S100Z: variants seen among roughly 807,000 people sequenced by gnomAD.
S100Z encodes the protein protein S100-Z.
S100Z carries 11 observed loss-of-function variants against 8.5 expected under a neutral mutation model. The ratio of observed to expected loss-of-function variants is 1.30; its 90% CI spans 0.82 to 2.15. S100Z has a LOEUF of 2.15. S100Z is among the 30% of genes most tolerant of loss of function. The probability of loss-of-function intolerance (pLI) is 0.00; values close to 1 mark genes in which losing one functional copy is unlikely to be tolerated. For missense variants in S100Z, 126 were observed against 117.9 expected (o/e 1.07, Z -0.32); for synonymous variants, 34 against 43.8 (o/e 0.78, Z 0.89).
At chr5:76,924,604 T>G (rs1195073710), downstream of S100Z, among the ~76,000 whole-genome samples, 1 of 152,090 alleles carries the variant, frequency 6.6e-6, no homozygotes. Flanking sequence ...TAAAACTTAA[T>G]AGCTTAACAA....
At chr5:76,902,637 G>GTT (rs544919294) in intron 4 of S100Z, among the ~76,000 whole-genome samples, 333 of 142,616 alleles carry the variant, frequency 2.3e-3, no homozygotes, top group African/African-American at 8.4e-3. Flanking sequence ...GGTTTTTTTT[G>GTT]TTTTTTTTTT....
chr5:76,920,145 G>A (rs1158946419), intron 4 of S100Z, among the ~76,000 whole-genome samples: 2 of 152,120 alleles, frequency 1.3e-5, no homozygotes, highest in Non-Finnish European at 2.9e-5. Context: ...CCTGACCTCA[G>A]TTTATCTGCT....
chr5:76,950,118 C>G, the S100Z span, among the ~76,000 whole-genome samples: 1 of 152,088 alleles, frequency 6.6e-6, no homozygotes, highest in Non-Finnish European at 1.5e-5. Context: ...ATGATATGTT[C>G]TATTTTCTAA....
chr5:76,909,095 G>A (rs1011284656), intron 4 of S100Z, among the ~76,000 whole-genome samples: 1 of 152,122 alleles, frequency 6.6e-6, no homozygotes, highest in Non-Finnish European at 1.5e-5. Context: ...GTGGGTTCTT[G>A]GACAAGAGGT....
the S100Z span, among the ~76,000 whole-genome samples, chr5:76,951,447 G>A: frequency 1.3e-5 from 2 of 152,226 alleles, no homozygotes; most frequent in Non-Finnish European, 2.9e-5. Context: ...AAGAGGTAAA[G>A]GCAGAGGTCT....
chr5:76,942,024 T>G, the S100Z span, among the ~76,000 whole-genome samples: 1 of 152,222 alleles, frequency 6.6e-6, no homozygotes, highest in African/African-American at 2.4e-5. Flanking sequence ...GGATGTTTAC[T>G]TTTTAACTCT....
intron 4 of S100Z, among the ~76,000 whole-genome samples, chr5:76,897,726 A>T (rs1744090389): frequency 6.6e-6 from 1 of 152,034 alleles, no homozygotes; most frequent in Non-Finnish European, 1.5e-5. Context: ...CTATGTATTT[A>T]ATTTTATGTG....
chr5:76,939,921 A>G, the S100Z span, among the ~76,000 whole-genome samples: 10 of 152,028 alleles, frequency 6.6e-5, no homozygotes, highest in African/African-American at 2.2e-4. Context: ...GCACTTTGGG[A>G]GGCTGAGGCG....
At chr5:76,865,742 G>A (rs903176825) in intron 1 of S100Z, among the ~76,000 whole-genome samples, 1 of 151,888 alleles carries the variant, frequency 6.6e-6, no homozygotes, top group Non-Finnish European at 1.5e-5. Context: ...GCTGGGCGCA[G>A]TGGCTCATGC....
intron 4 of S100Z, among the ~76,000 whole-genome samples, chr5:76,918,870 T>C (rs1310030848): frequency 6.6e-6 from 1 of 152,256 alleles, no homozygotes; most frequent in Non-Finnish European, 1.5e-5. Context: ...CACTTGTCCC[T>C]GGCAATCACC....
intron 1 of S100Z, among the ~76,000 whole-genome samples, chr5:76,862,323 T>G (rs575969530): frequency 6.6e-6 from 1 of 152,058 alleles, no homozygotes; most frequent in Non-Finnish European, 1.5e-5. Context: ...GAACAGAAGG[T>G]ATAGCCAGTT....
At chr5:76,913,781 C>T (rs768005767) in intron 4 of S100Z, among the ~76,000 whole-genome samples, 2 of 152,158 alleles carry the variant, frequency 1.3e-5, no homozygotes. Flanking sequence ...ATCTCTGCAC[C>T]GTCTTAGGGG....
intron 4 of S100Z, among the ~76,000 whole-genome samples, chr5:76,880,940 G>T (rs1235281725): frequency 6.6e-6 from 1 of 152,172 alleles, no homozygotes; most frequent in African/African-American, 2.4e-5. Flanking sequence ...GCCAGCAATT[G>T]TTTGTTAAAG....
intron 4 of S100Z, among the ~76,000 whole-genome samples, chr5:76,879,844 A>G (rs560450265): frequency 2.6e-4 from 39 of 152,288 alleles, no homozygotes; most frequent in African/African-American, 8.9e-4. Flanking sequence ...AAATCCATTC[A>G]GAGGTGAAGT....
At chr5:76,880,081 G>A (rs1320558303) in intron 4 of S100Z, among the ~76,000 whole-genome samples, 1 of 152,186 alleles carries the variant, frequency 6.6e-6, no homozygotes, top group Non-Finnish European at 1.5e-5. Flanking sequence ...TGTTTTGCGG[G>A]CAGAGGGTGG....
At chr5:76,932,472 G>A in the S100Z span, among the ~76,000 whole-genome samples, 1 of 152,150 alleles carries the variant, frequency 6.6e-6, no homozygotes, top group African/African-American at 2.4e-5. Flanking sequence ...TCCTGCCTCA[G>A]CCTCCCAAGT....
intron 2 of S100Z, among the ~76,000 whole-genome samples, chr5:76,872,543 C>T (rs1743048206): frequency 6.6e-6 from 1 of 151,940 alleles, no homozygotes; most frequent in Non-Finnish European, 1.5e-5. Context: ...TGCCTGTTGT[C>T]CCAGCTACTC....
chr5:76,936,579 C>G, the S100Z span, among the ~76,000 whole-genome samples: 1 of 146,608 alleles, frequency 6.8e-6, no homozygotes. Flanking sequence ...GAATCAGCAT[C>G]CAATTTTACT....
At chr5:76,859,835 C>G (rs1458840202) in intron 1 of S100Z, among the ~76,000 whole-genome samples, 2 of 150,252 alleles carry the variant, frequency 1.3e-5, no homozygotes, top group Non-Finnish European at 3.0e-5. Context: ...ACTCCCAACT[C>G]CAGGGAAACC....
Sources: allele counts gnomAD v4.1 joint callset (sites outside exome capture counted in the v4.1 genomes callset), GRCh38; gene constraint gnomAD v4.1.1; transcripts MANE v1.5; gene names NCBI Gene and HGNC (gene_info 2026-07-23, HGNC 2026-07-21).